The following ADK variants were observed in gnomAD, a reference collection of about 807,000 sequenced individuals.
ADK encodes the protein adenosine kinase, also known as N6,N6-dimethyladenosine kinase.
ADK carries 24 observed loss-of-function variants against 44.7 expected under a neutral mutation model. The ratio of observed to expected loss-of-function variants is 0.54; its 90% CI spans 0.39 to 0.76. ADK has a LOEUF of 0.76. Ranked by LOEUF, ADK falls within the 30% of genes least tolerant of loss-of-function variation. ADK has a pLI of 0.00. For missense variants in ADK, 321 were observed against 425.1 expected (o/e 0.76, Z 2.15); for synonymous variants, 128 against 142.6 (o/e 0.90, Z 0.73).
At chr10:74,302,127 T>TTTG (rs1840074300) in intron 3 of ADK, among the ~76,000 whole-genome samples, 2 of 99,664 alleles carry the variant, frequency 2.0e-5, no homozygotes, top group Non-Finnish European at 2.0e-5. Flanking sequence ...TTTTTTTTTT[T>TTTG]TTTTTTTTTT....
chr10:74,260,435 A>T (rs1211875977), intron 3 of ADK, among the ~76,000 whole-genome samples: 1 of 152,044 alleles, frequency 6.6e-6, no homozygotes. Context: ...CCACCCAGCT[A>T]ATTTTTTAAT....
At chr10:74,447,801 C>G (rs1385212460) in intron 6 of ADK, among the ~76,000 whole-genome samples, 3 of 152,106 alleles carry the variant, frequency 2.0e-5, no homozygotes, top group African/African-American at 7.2e-5. Context: ...ATAGTAAATT[C>G]TCAATGAATA....
At chr10:74,649,190 A>G (rs539288462) in intron 9 of ADK, among the ~76,000 whole-genome samples, 3 of 152,184 alleles carry the variant, frequency 2.0e-5, no homozygotes, top group Admixed American at 1.3e-4. Flanking sequence ...TCCAGCCTGG[A>G]TGACAGACCG....
intron 4 of ADK, among the ~76,000 whole-genome samples, chr10:74,316,541 G>A (rs958620): frequency 0.64 from 97,966 of 152,020 alleles, 32,898 homozygotes; most frequent in Middle Eastern, 0.79. Flanking sequence ...CCCTTTGCTC[G>A]GCATTTCCCA....
chr10:74,592,822 T>C (rs1361499241), intron 8 of ADK, among the ~76,000 whole-genome samples: 3 of 152,154 alleles, frequency 2.0e-5, no homozygotes, highest in Non-Finnish European at 4.4e-5. Flanking sequence ...TAGGATTAAT[T>C]AAAATTAAAT....
intron 8 of ADK, among the ~76,000 whole-genome samples, chr10:74,591,304 A>G (rs1417793749): frequency 6.6e-6 from 1 of 152,172 alleles, no homozygotes. Context: ...CAAAATGATA[A>G]TGATTATAAT....
intron 10 of ADK, among the ~76,000 whole-genome samples, chr10:74,671,859 A>G (rs1855198859): frequency 6.6e-6 from 1 of 152,210 alleles, no homozygotes; most frequent in South Asian, 2.1e-4. Context: ...GGTGACCTAA[A>G]TAGCCACTAC....
rs193216566 is a variant in ADK, at chr10:74,549,992, G to A, written c.726+24566G>A. Among the ~76,000 whole-genome samples the A allele has an allele frequency of 1.2e-3, 182 of 152,114 alleles. 3 individuals carry two copies. Among genetic ancestry groups the A allele is most frequent in the African/African-American group, 4.2e-3 (173 of 41,496 alleles). ...AGACCTTCTGTGGCAATATTAGGTC[G>A]GGGATAGATGTCTAATGATTTGCAG... is the stretch of plus-strand genomic sequence containing the variant. On this transcript the variant is annotated intron_variant, in intron 7 of 10. Coordinates refer to ENST00000539909, the MANE Select transcript of ADK (RefSeq NM_006721.4).
At position 74,185,842 on chromosome 10, in the gene ADK, G is replaced by GAAAAAA. The variant is rs71021593; in HGVS notation, c.66-14904_66-14899dup. Among the ~76,000 whole-genome samples, 275 of 65,298 alleles carry GAAAAAA rather than the reference G, an allele frequency of 4.2e-3. 1 individual carries two copies. The highest frequency in any genetic ancestry group is 4.6e-3 in the Non-Finnish European group (152 of 33,222). The allele number at this position is 65,298 out of a possible 152,430, so 42.8% of individuals were successfully genotyped here. A position where few individuals can be genotyped will look rare whatever the true frequency, so the allele number is the denominator to read the frequency against. On this transcript the variant is annotated intron_variant, in intron 1 of 10. Transcript: ENST00000539909. ...ACAAAGCGAGACTCCGTCTCAAAAA[G>GAAAAAA]AAAAAAAAAAAAAAAAAAAAAAAGA... is the stretch of plus-strand genomic sequence containing the variant.
At chr10:74,644,369 C>T (rs936701422) in intron 9 of ADK, among the ~76,000 whole-genome samples, 1 of 152,184 alleles carries the variant, frequency 6.6e-6, no homozygotes, top group Non-Finnish European at 1.5e-5. Flanking sequence ...GCAATGGATA[C>T]GGTGTACAGT....
chr10:74,367,715 A>ACTGTAAACAAGTGTCCTTTTCAATG, intron 4 of ADK, among the ~76,000 whole-genome samples: 1 of 152,188 alleles, frequency 6.6e-6, no homozygotes. Context: ...CAGCTGTCAT[A>ACTGTAAACAAGTGTCCTTTTCAATG]CTGTAAACAA....
chr10:74,357,189 T>G (rs1214035848), intron 4 of ADK, among the ~76,000 whole-genome samples: 5 of 152,238 alleles, frequency 3.3e-5, no homozygotes, highest in Non-Finnish European at 7.3e-5. Flanking sequence ...ATTGTCTTTG[T>G]TTCTGATCCA....
At chr10:74,340,694 C>T (rs954620092) in intron 4 of ADK, among the ~76,000 whole-genome samples, 1 of 152,032 alleles carries the variant, frequency 6.6e-6, no homozygotes, top group Non-Finnish European at 1.5e-5. Flanking sequence ...AACTGGAAAC[C>T]AGTGGAGGAA....
At chr10:74,544,827 A>T (rs1335436077) in intron 7 of ADK, among the ~76,000 whole-genome samples, 1 of 151,514 alleles carries the variant, frequency 6.6e-6, no homozygotes, top group East Asian at 1.9e-4. Context: ...GTACCACTGC[A>T]CTCCAGCCTG....
At chr10:74,318,159 ATTAT>A (rs1840690420) in intron 4 of ADK, among the ~76,000 whole-genome samples, 1 of 152,082 alleles carries the variant, frequency 6.6e-6, no homozygotes, top group Non-Finnish European at 1.5e-5. Context: ...TTATTTGTTC[ATTAT>A]TTATTAATTT....
intron 4 of ADK, among the ~76,000 whole-genome samples, chr10:74,387,255 T>C (rs1301912688): frequency 6.6e-6 from 1 of 152,138 alleles, no homozygotes; most frequent in Non-Finnish European, 1.5e-5. Context: ...GTTTTAACAT[T>C]AGATTACTAC....
At chr10:74,323,609 C>T (rs554531219) in intron 4 of ADK, among the ~76,000 whole-genome samples, 10 of 149,604 alleles carry the variant, frequency 6.7e-5, no homozygotes, top group Non-Finnish European at 5.9e-5. Context: ...CTCGCACTGT[C>T]GTCCAGGCTG....
intron 4 of ADK, among the ~76,000 whole-genome samples, chr10:74,361,716 A>C (rs777301803): frequency 2.0e-5 from 3 of 152,220 alleles, no homozygotes; most frequent in African/African-American, 4.8e-5. Context: ...AGTTTGAAGA[A>C]GTTTTTAAAG....
intron 6 of ADK, among the ~76,000 whole-genome samples, chr10:74,430,256 C>T (rs193286599): frequency 5.6e-4 from 86 of 152,248 alleles, no homozygotes; most frequent in Non-Finnish European, 1.2e-3. Flanking sequence ...GAGGTAACTT[C>T]TTACAAAACT....
Sources: allele counts gnomAD v4.1 joint callset (sites outside exome capture counted in the v4.1 genomes callset), GRCh38; gene constraint gnomAD v4.1.1; transcripts MANE v1.5; gene names NCBI Gene and HGNC (gene_info 2026-07-23, HGNC 2026-07-21).